The following STXBP4 variants were observed in gnomAD, a reference collection of about 807,000 sequenced individuals.
STXBP4 encodes syntaxin-binding protein 4.
Under a neutral mutation model 76.1 loss-of-function variants are expected in STXBP4, and 55 were observed. The ratio of observed to expected loss-of-function variants is 0.72; its 90% CI spans 0.58 to 0.91. The LOEUF is 0.91. Among genes scored for constraint, STXBP4 ranks in the 40% least tolerant of loss-of-function variants. The pLI is 0.00. For missense variants in STXBP4, 618 were observed against 636.9 expected, an observed-to-expected ratio of 0.97 and a Z score of 0.32; for synonymous variants, 201 against 220.2, an observed-to-expected ratio of 0.91 and a Z score of 0.77.
At chr17:54,984,606 G>A (rs2077600550) in intron 1 of STXBP4, among the ~76,000 whole-genome samples, 1 of 152,028 alleles carries the variant, frequency 6.6e-6, no homozygotes, top group Non-Finnish European at 1.5e-5. Flanking sequence ...GCCACCCAAA[G>A]TACTAGGATT....
chr17:55,181,834 T>C, the STXBP4 span, among the ~76,000 whole-genome samples: 1 of 152,136 alleles, frequency 6.6e-6, no homozygotes, highest in African/African-American at 2.4e-5. Flanking sequence ...TGAACAGAAA[T>C]TTTAACAGAT....
chr17:54,979,643 A>G (rs1167177711), intron 1 of STXBP4, among the ~76,000 whole-genome samples: 1 of 152,212 alleles, frequency 6.6e-6, no homozygotes, highest in Non-Finnish European at 1.5e-5. Context: ...CCATTTTATC[A>G]AGATAATTTA....
intron 16 of STXBP4, among the ~76,000 whole-genome samples, chr17:55,081,750 T>C (rs144223451): frequency 7.8e-4 from 118 of 152,180 alleles, no homozygotes; most frequent in African/African-American, 2.7e-3. Flanking sequence ...AGGCATATCC[T>C]CCTATGCTGG....
chr17:55,112,357 G>A (rs1164746403), intron 16 of STXBP4, among the ~76,000 whole-genome samples: 1 of 152,134 alleles, frequency 6.6e-6, no homozygotes, highest in Non-Finnish European at 1.5e-5. Flanking sequence ...ATAAGCTTCA[G>A]GAAGGCAAGG....
intron 16 of STXBP4, among the ~76,000 whole-genome samples, chr17:55,122,762 G>A (rs1197603243): frequency 1.3e-5 from 2 of 152,122 alleles, no homozygotes; most frequent in Non-Finnish European, 2.9e-5. Context: ...GCTAATGGAT[G>A]ACTTCCAAAG....
intron 17 of STXBP4, among the ~76,000 whole-genome samples, chr17:55,153,705 G>T (rs969879258): frequency 6.6e-6 from 1 of 152,064 alleles, no homozygotes; most frequent in Non-Finnish European, 1.5e-5. Flanking sequence ...ATTTTAATAA[G>T]AACACTAAAA....
chr17:55,165,185 A>T lies in STXBP4; in HGVS notation c.*5274A>T, dbSNP rs933002745. 4 of 152,208 alleles carry T rather than the reference A, an allele frequency of 2.6e-5. No homozygotes were observed. The highest frequency in any genetic ancestry group is 9.7e-5 in the African/African-American group (4 of 41,450). 9.4% of individuals were successfully genotyped at this position (152,208 alleles called of 1,614,324 possible). ...CTTGGGGAACTAGAAAGGATTTATGATTTAGGTCAAAGATTTGAGAGCACA... is the reference window on the plus strand; with the variant it reads ...CTTGGGGAACTAGAAAGGATTTATGTTTTAGGTCAAAGATTTGAGAGCACA... On this transcript the variant is annotated 3_prime_UTR_variant, in exon 18 of 18. Coordinates refer to ENST00000376352, the MANE Select transcript of STXBP4 (RefSeq NM_178509.6).
At chr17:55,106,405 C>G (rs976304083) in intron 16 of STXBP4, among the ~76,000 whole-genome samples, 1 of 151,886 alleles carries the variant, frequency 6.6e-6, no homozygotes, top group Non-Finnish European at 1.5e-5. Context: ...TGGATCTTGA[C>G]TCTTTATCCA....
chr17:55,082,460 G>C (rs1394803484), intron 16 of STXBP4, among the ~76,000 whole-genome samples: 1 of 151,992 alleles, frequency 6.6e-6, no homozygotes, highest in Non-Finnish European at 1.5e-5. Context: ...ATGGAATTTT[G>C]TTCCAGATTT....
intron 12 of STXBP4, among the ~76,000 whole-genome samples, chr17:55,053,925 T>A (rs1268066218): frequency 6.6e-6 from 1 of 152,278 alleles, no homozygotes; most frequent in South Asian, 2.1e-4. Flanking sequence ...ATATCAGCCA[T>A]GATTGATAAA....
chr17:54,996,901 C>T (rs545122665), intron 4 of STXBP4, among the ~76,000 whole-genome samples: 18 of 152,194 alleles, frequency 1.2e-4, no homozygotes, highest in Middle Eastern at 6.8e-3. Flanking sequence ...TAGTACTGGT[C>T]GTTTTTAACA....
At chr17:55,043,669 C>T in intron 11 of STXBP4, 1 of 1,548,568 alleles carries the variant, frequency 6.5e-7, no homozygotes. Context: ...ATTTTGGATC[C>T]TGTGAGTTCT....
chr17:55,148,804 G>A (rs2145169977), intron 17 of STXBP4, among the ~76,000 whole-genome samples: 1 of 152,354 alleles, frequency 6.6e-6, no homozygotes, highest in Non-Finnish European at 1.5e-5. Flanking sequence ...AAAGTGCTGG[G>A]ATTACAGGCG....
chr17:55,213,040 A>G, the STXBP4 span, among the ~76,000 whole-genome samples: 1 of 152,148 alleles, frequency 6.6e-6, no homozygotes, highest in South Asian at 2.1e-4. Context: ...TGAGCTGGGG[A>G]CACCGTGGTG....
intron 16 of STXBP4, among the ~76,000 whole-genome samples, chr17:55,095,293 C>T (rs1567759307): frequency 6.6e-6 from 1 of 152,186 alleles, no homozygotes; most frequent in Non-Finnish European, 1.5e-5. Flanking sequence ...ACAATTAGAA[C>T]TGACTATAAT....
the STXBP4 span, among the ~76,000 whole-genome samples, chr17:55,210,118 A>G: frequency 1.3e-5 from 2 of 152,258 alleles, no homozygotes; most frequent in Middle Eastern, 3.2e-3. Context: ...GATGTACCAC[A>G]GATTATCTCC....
intron 8 of STXBP4, among the ~76,000 whole-genome samples, chr17:55,009,297 T>G (rs1270749896): frequency 6.6e-6 from 1 of 151,974 alleles, no homozygotes; most frequent in Non-Finnish European, 1.5e-5. Context: ...ATAGAGTGTT[T>G]GAAGTTTAAA....
At position 55,033,925 on chromosome 17, in the gene STXBP4, T is replaced by C. The variant is rs112087685; in HGVS notation, c.764-243T>C. On this transcript the variant is annotated intron_variant, in intron 9 of 17. Transcript: ENST00000376352. The stretch of plus-strand genomic sequence containing the variant: ...CAAGGGTTGAAAAACTATAGGTCCA[T>C]GATATATATTTGCTTTATTATTATC... 2.9e-4 allele frequency among the ~76,000 whole-genome samples: 44 copies of C among 152,310 alleles called. 1 individual carries two copies. Among genetic ancestry groups the C allele is most frequent in the Middle Eastern group, 6.8e-3 (2 of 292 alleles).
intron 6 of STXBP4, chr17:55,000,224 C>T (rs1293401660): frequency 1.0e-6 from 1 of 985,156 alleles, no homozygotes; most frequent in Non-Finnish European, 1.2e-6. Flanking sequence ...AGCTTCTTTC[C>T]CACACAGTGA....
Sources: gnomAD v4.1 joint callset for allele counts (sites outside exome capture counted in the v4.1 genomes callset) on GRCh38, gnomAD v4.1.1 for gene constraint, MANE v1.5 for transcripts, NCBI Gene and HGNC (gene_info 2026-07-23, HGNC 2026-07-21) for gene names.